Variants in SNTG1 observed in about 807,000 individuals in gnomAD.
SNTG1 encodes gamma-1-syntrophin.
SNTG1 carries 39 observed loss-of-function variants against 74.7 expected under a neutral mutation model. The observed-to-expected ratio is 0.52, with a 90% CI of 0.40 to 0.68. The LOEUF (loss-of-function observed/expected upper bound fraction) is 0.68, where lower values mean the gene tolerates loss of function less well. SNTG1 is among the 30% of genes least tolerant of loss of function. SNTG1 has a pLI of 0.00. For synonymous variants in SNTG1, 254 were observed against 217.1 expected, an observed-to-expected ratio of 1.17 and a Z score of -1.49; for missense variants, 685 against 609.5, an observed-to-expected ratio of 1.12 and a Z score of -1.30.
chr8:49,973,868 T>C (rs1229919825), intron 1 of SNTG1, among the ~76,000 whole-genome samples: 1 of 152,216 alleles, frequency 6.6e-6, no homozygotes, highest in East Asian at 1.9e-4. Flanking sequence ...TCTACAATGC[T>C]ATAGTAACGA....
chr8:50,449,130 G>A (rs1332142287), intron 5 of SNTG1, among the ~76,000 whole-genome samples: 1 of 152,300 alleles, frequency 6.6e-6, no homozygotes, highest in Admixed American at 6.5e-5. Context: ...TGTTTAGTAT[G>A]TGCTTTCACA....
At chr8:50,660,167 C>T (rs762265385) in intron 15 of SNTG1, among the ~76,000 whole-genome samples, 11 of 145,258 alleles carry the variant, frequency 7.6e-5, no homozygotes, top group Non-Finnish European at 1.6e-4. Flanking sequence ...GAAAGCTACT[C>T]ATGTAATTAG....
chr8:50,089,728 A>T (rs1029944473), intron 1 of SNTG1, among the ~76,000 whole-genome samples: 1 of 152,172 alleles, frequency 6.6e-6, no homozygotes, highest in African/African-American at 2.4e-5. Context: ...CACCAGTTAG[A>T]ATGGCAATCA....
At chr8:50,100,808 G>A (rs1307842916) in intron 1 of SNTG1, among the ~76,000 whole-genome samples, 2 of 151,852 alleles carry the variant, frequency 1.3e-5, no homozygotes, top group Admixed American at 1.3e-4. Context: ...TAGGTTCAGG[G>A]ATCCATGTGC....
rs566064249 is a variant in SNTG1 at position 50,561,367 on chromosome 8, T to C, written c.810+8188T>C. Among the ~76,000 whole-genome samples the C allele has an allele frequency of 3.9e-5, 6 of 152,248 alleles. No individual in the cohort carries two copies. In the South Asian group the frequency reaches 1.2e-3, roughly 32 times the overall value. ...TGTCAGGTATTTCTTTATAGCAGTG[T>C]GAAAACAGACTAAAACAGTTAATTT... On this transcript the variant is annotated intron_variant, in intron 12 of 18. Transcript: ENST00000642720.
intron 1 of SNTG1, among the ~76,000 whole-genome samples, chr8:50,014,839 A>T (rs1816160035): frequency 6.6e-6 from 1 of 152,066 alleles, no homozygotes; most frequent in Non-Finnish European, 1.5e-5. Flanking sequence ...GGAAATACGT[A>T]ATCTATAGAA....
At chr8:50,419,744 TA>T (rs2093058027) in intron 4 of SNTG1, among the ~76,000 whole-genome samples, 1 of 152,138 alleles carries the variant, frequency 6.6e-6, no homozygotes, top group Admixed American at 6.6e-5. Flanking sequence ...ATATTAGAAT[TA>T]TATAATATGA....
intron 2 of SNTG1, among the ~76,000 whole-genome samples, chr8:50,268,551 C>T (rs2087599913): frequency 6.6e-6 from 1 of 151,970 alleles, no homozygotes; most frequent in African/African-American, 2.4e-5. Context: ...ATAGCTACAG[C>T]AAACAAGACA....
At chr8:49,950,908 CT>C (rs1270254399) in intron 1 of SNTG1, among the ~76,000 whole-genome samples, 2 of 152,162 alleles carry the variant, frequency 1.3e-5, no homozygotes, top group African/African-American at 4.8e-5. Context: ...TATTGTGATG[CT>C]GTGCAATTCT....
chr8:50,170,429 T>G (rs2082765697), intron 1 of SNTG1, among the ~76,000 whole-genome samples: 1 of 152,076 alleles, frequency 6.6e-6, no homozygotes, highest in Admixed American at 6.5e-5. Context: ...GCAATTAACA[T>G]TATTTTGACA....
At chr8:50,318,733 G>C (rs1267137019) in intron 2 of SNTG1, among the ~76,000 whole-genome samples, 1 of 152,070 alleles carries the variant, frequency 6.6e-6, no homozygotes, top group Non-Finnish European at 1.5e-5. Flanking sequence ...ATGTATATCA[G>C]TTCTAAAGTG....
chr8:50,691,637 T>A (rs2095380068), intron 15 of SNTG1, among the ~76,000 whole-genome samples: 1 of 152,232 alleles, frequency 6.6e-6, no homozygotes, highest in African/African-American at 2.4e-5. Flanking sequence ...CTGATGGGCT[T>A]CCCTTTGTGG....
At chr8:50,186,959 C>A (rs1183520629) in intron 2 of SNTG1, among the ~76,000 whole-genome samples, 1 of 151,954 alleles carries the variant, frequency 6.6e-6, no homozygotes, top group African/African-American at 2.4e-5. Context: ...TCTTTGCCCA[C>A]GCCTATTTCC....
chr8:50,368,675 A>G (rs1440883098), intron 2 of SNTG1, among the ~76,000 whole-genome samples: 1 of 152,142 alleles, frequency 6.6e-6, no homozygotes, highest in Non-Finnish European at 1.5e-5. Flanking sequence ...TGGATTCTAT[A>G]GGACCGTCTG....
At chr8:50,626,801 A>T (rs138950836) in intron 13 of SNTG1, among the ~76,000 whole-genome samples, 6,539 of 152,222 alleles carry the variant, frequency 0.043, 238 homozygotes, top group African/African-American at 0.094. Context: ...ATGTCAGTGC[A>T]GCAGAGATTT....
intron 2 of SNTG1, among the ~76,000 whole-genome samples, chr8:50,338,257 C>T (rs1263267852): frequency 6.6e-6 from 1 of 152,158 alleles, no homozygotes; most frequent in Admixed American, 6.5e-5. Context: ...CTTCCGGCAT[C>T]TACAGCTGCA....
At chr8:50,167,057 G>A (rs1586561169) in intron 1 of SNTG1, among the ~76,000 whole-genome samples, 1 of 139,072 alleles carries the variant, frequency 7.2e-6, no homozygotes, top group East Asian at 2.1e-4. Flanking sequence ...TCACTCATAG[G>A]TGGGAATTGA....
intron 1 of SNTG1, among the ~76,000 whole-genome samples, chr8:50,013,485 AG>A (rs1428003581): frequency 2.6e-5 from 4 of 151,848 alleles, no homozygotes; most frequent in Non-Finnish European, 5.9e-5. Flanking sequence ...ATAGATAGAT[AG>A]ATAGATAGAT....
intron 15 of SNTG1, among the ~76,000 whole-genome samples, chr8:50,665,915 G>T (rs1052509507): frequency 2.0e-5 from 3 of 152,070 alleles, no homozygotes; most frequent in Admixed American, 2.0e-4. Flanking sequence ...AAAGAATAAA[G>T]GAGAACTTTA....
Sources: allele counts gnomAD v4.1 joint callset (sites outside exome capture counted in the v4.1 genomes callset), GRCh38; gene constraint gnomAD v4.1.1; transcripts MANE v1.5; gene names NCBI Gene and HGNC (gene_info 2026-07-23, HGNC 2026-07-21).